The following NCK2 variants were observed in gnomAD, a reference collection of about 807,000 sequenced individuals.
NCK2 encodes the protein NCK adaptor protein 2.
A neutral mutation model predicts 33.9 loss-of-function variants in NCK2; 16 were observed. The ratio of observed to expected loss-of-function variants is 0.47; its 90% CI spans 0.32 to 0.72. NCK2 has a LOEUF of 0.72. Ranked by LOEUF, NCK2 falls within the 30% of genes least tolerant of loss-of-function variation. The pLI is 0.03. For synonymous variants in NCK2, 273 were observed against 239.9 expected, an observed-to-expected ratio of 1.14 and a Z score of -1.27; for missense variants, 418 against 537.3, an observed-to-expected ratio of 0.78 and a Z score of 2.19.
intron 1 of NCK2, among the ~76,000 whole-genome samples, chr2:105,770,170 G>A (rs986354440): frequency 6.7e-6 from 1 of 150,292 alleles, no homozygotes; most frequent in Non-Finnish European, 1.5e-5. Context: ...ACAAGAAAAA[G>A]GATGGTGCTG....
intron 3 of NCK2, among the ~76,000 whole-genome samples, chr2:105,859,125 A>G (rs1365015367): frequency 6.6e-6 from 1 of 152,248 alleles, no homozygotes; most frequent in African/African-American, 2.4e-5. Flanking sequence ...ACTATGCTAC[A>G]TCTTTTGAGA....
intron 2 of NCK2, among the ~76,000 whole-genome samples, chr2:105,833,217 C>G (rs1400611252): frequency 1.3e-5 from 2 of 151,994 alleles, no homozygotes; most frequent in East Asian, 3.9e-4. Context: ...GCCTCAATCT[C>G]CCGAGTAGCT....
At chr2:105,801,950 A>G (rs942449145) in intron 1 of NCK2, among the ~76,000 whole-genome samples, 3 of 152,182 alleles carry the variant, frequency 2.0e-5, no homozygotes, top group Admixed American at 6.5e-5. Context: ...ATCTCCCTGC[A>G]TGGAGAACTG....
chr2:105,819,385 G>C (rs1000432304), intron 2 of NCK2, among the ~76,000 whole-genome samples: 5 of 151,354 alleles, frequency 3.3e-5, no homozygotes, highest in Non-Finnish European at 7.4e-5. Flanking sequence ...ATTTGCAAAT[G>C]CAGTCATGTA....
chr2:105,779,382 A>G (rs1467428614), intron 1 of NCK2, among the ~76,000 whole-genome samples: 1 of 151,888 alleles, frequency 6.6e-6, no homozygotes, highest in Non-Finnish European at 1.5e-5. Flanking sequence ...GAAAACACCT[A>G]GACTTGAGGC....
At chr2:105,761,158 C>T (rs1252013237) in intron 1 of NCK2, among the ~76,000 whole-genome samples, 1 of 152,198 alleles carries the variant, frequency 6.6e-6, no homozygotes, top group Non-Finnish European at 1.5e-5. Flanking sequence ...TACTGGGCCT[C>T]TTCTGGGCAG....
intron 1 of NCK2, among the ~76,000 whole-genome samples, chr2:105,749,628 A>G (rs1316353358): frequency 6.6e-6 from 1 of 152,146 alleles, no homozygotes; most frequent in Non-Finnish European, 1.5e-5. Flanking sequence ...TTTACAGAAC[A>G]CAGTGTCCTT....
In NCK2 at chr2:105,893,999, G is replaced by GCA. The variant is rs4012805; in HGVS notation, c.*843_*844dup. 42,673 of 149,250 alleles carry GCA rather than the reference G, an allele frequency of 0.29. 6,879 individuals are homozygous for GCA. The highest frequency in any genetic ancestry group is 0.45 in the African/African-American group (18,202 of 40,468). 9.2% of individuals were successfully genotyped at this position (149,250 alleles called of 1,614,324 possible). A position where few individuals can be genotyped will look rare whatever the true frequency, so the allele number is the denominator to read the frequency against. ...CAACACTTTATACACACACACACGT[G>GCA]CACACACACACACACACACACTATA... On this transcript the variant is annotated 3_prime_UTR_variant, in exon 5 of 5. Transcript: ENST00000233154.
intron 1 of NCK2, among the ~76,000 whole-genome samples, chr2:105,761,394 C>G (rs1177318553): frequency 6.6e-6 from 1 of 152,126 alleles, no homozygotes; most frequent in Non-Finnish European, 1.5e-5. Flanking sequence ...TAGCCTGTTT[C>G]TCTTTCTGGT....
chr2:105,839,892 C>G (rs1573186132), intron 2 of NCK2, among the ~76,000 whole-genome samples: 1 of 152,302 alleles, frequency 6.6e-6, no homozygotes, highest in South Asian at 2.1e-4. Context: ...CAGCAAGGGA[C>G]AGGCAGCAGG....
At chr2:105,812,815 C>CTTTTTTTTTT in intron 1 of NCK2, among the ~76,000 whole-genome samples, 1 of 142,964 alleles carries the variant, frequency 7.0e-6, no homozygotes. Context: ...TTCAACAAGG[C>CTTTTTTTTTT]TTTTTTTTTT....
intron 1 of NCK2, among the ~76,000 whole-genome samples, chr2:105,770,735 G>C (rs760552536): frequency 1.6e-4 from 25 of 152,234 alleles, no homozygotes; most frequent in Non-Finnish European, 1.9e-4. Context: ...TAAACTTAAA[G>C]ATCTTTAACA....
At chr2:105,788,119 C>T (rs917116598) in intron 1 of NCK2, among the ~76,000 whole-genome samples, 3 of 152,134 alleles carry the variant, frequency 2.0e-5, no homozygotes, top group East Asian at 1.9e-4. Context: ...CTTTCACTTC[C>T]GTAAAGTGTA....
At chr2:105,878,290 T>G in intron 3 of NCK2, among the ~76,000 whole-genome samples, 1 of 152,212 alleles carries the variant, frequency 6.6e-6, no homozygotes, top group Non-Finnish European at 1.5e-5. Context: ...CTTCCTGAAA[T>G]TCATACGAAG....
At chr2:105,759,791 T>G (rs926321060) in intron 1 of NCK2, among the ~76,000 whole-genome samples, 2 of 152,214 alleles carry the variant, frequency 1.3e-5, no homozygotes, top group Non-Finnish European at 2.9e-5. Flanking sequence ...TTTAATGGCT[T>G]GACAGCTTTG....
At chr2:105,880,791 T>C (rs1678438128) in intron 3 of NCK2, among the ~76,000 whole-genome samples, 1 of 152,178 alleles carries the variant, frequency 6.6e-6, no homozygotes, top group Non-Finnish European at 1.5e-5. Flanking sequence ...TTTTTTGGTT[T>C]TAGAGACAGG....
chr2:105,845,739 C>T lies in NCK2; in HGVS notation c.-16-9309C>T, dbSNP rs143453977. Among the ~76,000 whole-genome samples the T allele has an allele frequency of 2.2e-3, 335 of 152,060 alleles. 2 individuals are homozygous for T. The highest frequency in any genetic ancestry group is 3.4e-3 in the Middle Eastern group (1 of 294). On this transcript the variant is annotated intron_variant, in intron 2 of 4. Transcript: ENST00000233154. The stretch of plus-strand genomic sequence containing the variant: ...GTTTAAGTTACAAAATTTACAAGTA[C>T]CTTACAGCTGTGAAAAAAAAATAGG...
chr2:105,793,819 G>T (rs961105677), intron 1 of NCK2, among the ~76,000 whole-genome samples: 1 of 152,148 alleles, frequency 6.6e-6, no homozygotes, highest in African/African-American at 2.4e-5. Context: ...GGGGTTTCAG[G>T]CTCCTTTAGA....
At chr2:105,748,181 G>T (rs1335743710) in intron 1 of NCK2, among the ~76,000 whole-genome samples, 3 of 152,108 alleles carry the variant, frequency 2.0e-5, no homozygotes, top group Admixed American at 1.3e-4. Flanking sequence ...CACTGTCCCT[G>T]ACCAGCCTCT....
Sources: gnomAD v4.1 joint callset for allele counts (sites outside exome capture counted in the v4.1 genomes callset) on GRCh38, gnomAD v4.1.1 for gene constraint, MANE v1.5 for transcripts, NCBI Gene and HGNC (gene_info 2026-07-23, HGNC 2026-07-21) for gene names.